The following PPEF1 variants were observed in gnomAD, a reference collection of about 807,000 sequenced individuals.
The protein encoded by PPEF1 is serine/threonine-protein phosphatase with EF-hands 1.
A neutral mutation model predicts 53.3 loss-of-function variants in PPEF1; 12 were observed. The observed-to-expected ratio is 0.23, with a 90% CI of 0.14 to 0.36. PPEF1 has a LOEUF of 0.36. PPEF1 is among the 10% of genes least tolerant of loss of function. PPEF1 has a pLI of 1.00. For missense variants in PPEF1, 334 were observed against 490.4 expected (o/e 0.68, Z 3.01); for synonymous variants, 165 against 176.7 (o/e 0.93, Z 0.52).
At chrX:18,790,601 G>A (rs1264316221) in intron 10 of PPEF1, among the ~76,000 whole-genome samples, 3 of 111,563 alleles carry the variant, frequency 2.7e-5, no homozygotes, top group Non-Finnish European at 5.7e-5. Flanking sequence ...CTTAAATTTA[G>A]GTGTCTGATC....
intron 3 of PPEF1, among the ~76,000 whole-genome samples, chrX:18,740,503 G>A (rs1303904043): frequency 9.3e-6 from 1 of 107,997 alleles, no homozygotes. Flanking sequence ...TCTGCCTCCC[G>A]GATTCAGGTG....
chrX:18,694,845 A>G (rs1011410754), intron 4 of PPEF1, among the ~76,000 whole-genome samples: 1 of 112,054 alleles, frequency 8.9e-6, no homozygotes, highest in African/African-American at 3.2e-5. Flanking sequence ...GGAGGGAACA[A>G]AAGGTAAACT....
intron 10 of PPEF1, among the ~76,000 whole-genome samples, chrX:18,790,620 G>C (rs1427422081): frequency 9.0e-6 from 1 of 111,373 alleles, no homozygotes; most frequent in East Asian, 2.8e-4. Flanking sequence ...TCCATTTTGA[G>C]TTAATTTTTG....
Position 18,730,222 on chromosome X carries a change from T to C in PPEF1, c.88T>C (p.Tyr30His). 1 of 1,209,806 alleles carries C rather than the reference T, an allele frequency of 8.3e-7. No individual in the cohort carries two copies. The highest frequency in any genetic ancestry group is 1.1e-6 in the Non-Finnish European group (1 of 893,886). Reference sequence around the variant, plus strand: ...GATCATCCAGAACTGGTACCGAGGTTACAAAGCTCGACTGAAGGCCAGACA... The same window carrying C: ...GATCATCCAGAACTGGTACCGAGGTCACAAAGCTCGACTGAAGGCCAGACA... Reference protein sequence around the residue: ...ALIIQNWYRGYKARLKARQHY... With the variant: ...ALIIQNWYRGHKARLKARQHY... Residue 30 changes from tyrosine to histidine, a missense_variant, in exon 2 of 16, where the codon TAC (tyrosine) becomes CAC (histidine). Tyr to His is a moderately conservative substitution (Grantham distance 83). Coordinates refer to ENST00000470157, the MANE Select transcript of PPEF1 (RefSeq NM_001377996.1).
At chrX:18,719,125 ATACT>A (rs1185771006) in intron 1 of PPEF1, among the ~76,000 whole-genome samples, 2 of 111,998 alleles carry the variant, frequency 1.8e-5, no homozygotes, top group East Asian at 2.8e-4. Context: ...TTTCTTTTAC[ATACT>A]TAAGAATACA....
At chrX:18,740,382 G>GT (rs773482973) in intron 3 of PPEF1, among the ~76,000 whole-genome samples, 1 of 107,201 alleles carries the variant, frequency 9.3e-6, no homozygotes, top group South Asian at 4.1e-4. Context: ...AGTTGGCCCC[G>GT]TTGTGTCTGT....
At chrX:18,695,154 T>C (rs1418069942) in intron 4 of PPEF1, among the ~76,000 whole-genome samples, 2 of 112,181 alleles carry the variant, frequency 1.8e-5, no homozygotes, top group Admixed American at 9.5e-5. Flanking sequence ...CAAGCCCGTA[T>C]GGTTGTTGAC....
At chrX:18,699,439 G>A (rs1182316763) in intron 5 of PPEF1, among the ~76,000 whole-genome samples, 1 of 111,713 alleles carries the variant, frequency 9.0e-6, no homozygotes, top group East Asian at 2.8e-4. Context: ...AGACCAGTAA[G>A]CTTGAAAACA....
chrX:18,732,491 A>T (rs988596635), intron 2 of PPEF1, among the ~76,000 whole-genome samples: 4 of 111,850 alleles, frequency 3.6e-5, no homozygotes, highest in Admixed American at 1.9e-4. Flanking sequence ...GAGGGCTCCA[A>T]TTTCTTCACA....
At chrX:18,746,421 C>T (rs2045330590) in intron 3 of PPEF1, among the ~76,000 whole-genome samples, 1 of 112,047 alleles carries the variant, frequency 8.9e-6, no homozygotes, top group African/African-American at 3.2e-5. Context: ...AACTAAGAAT[C>T]GGTTTAGGGA....
At chrX:18,679,909 T>A (rs1405206962), upstream of PPEF1, among the ~76,000 whole-genome samples, 1 of 110,007 alleles carries the variant, frequency 9.1e-6, no homozygotes, top group Non-Finnish European at 1.9e-5. Flanking sequence ...GCCAGCATGA[T>A]GAAATCCCGT....
chrX:18,821,550 A>G lies in PPEF1; in HGVS notation c.1502-2373A>G, dbSNP rs2047045810. On this transcript the variant is annotated intron_variant, in intron 13 of 15. Transcript: ENST00000470157. ...AGCCTCCCCAAGTAGCTGGGACTACAGGCATATGCCACCACGCCCAGCTAA... is the reference window on the plus strand; with the variant it reads ...AGCCTCCCCAAGTAGCTGGGACTACGGGCATATGCCACCACGCCCAGCTAA... Among the ~76,000 whole-genome samples, 2 of 110,567 alleles carry G rather than the reference A, an allele frequency of 1.8e-5. 1 individual carries two copies. Among genetic ancestry groups the G allele is most frequent in the South Asian group, 7.7e-4 (2 of 2,592 alleles).
At position 18,825,555 on chromosome X, in the gene PPEF1, A is replaced by G. The variant is rs190415833; in HGVS notation, c.1666-196A>G. Among the ~76,000 whole-genome samples, 4 of 112,237 alleles carry G rather than the reference A, an allele frequency of 3.6e-5. No homozygotes were observed. The East Asian group carries it at 8.4e-4, about 24-fold the overall frequency. ...TGTGTTAGTTACTGCTGCCTTATTC[A>G]TTTTGGCCCTGTCCCCTGAGGATCA... On this transcript the variant is annotated intron_variant, in intron 14 of 15. Transcript: ENST00000470157.
chrX:18,692,765 A>T (rs1929476930), intron 4 of PPEF1, among the ~76,000 whole-genome samples: 1 of 111,818 alleles, frequency 8.9e-6, no homozygotes, highest in Non-Finnish European at 1.9e-5. Flanking sequence ...CCTTGACTTA[A>T]ACAGAGTTTG....
chrX:18,767,782 AATAG>A (rs752916290), intron 6 of PPEF1, among the ~76,000 whole-genome samples: 1 of 110,888 alleles, frequency 9.0e-6, no homozygotes, highest in East Asian at 2.8e-4. Context: ...GGGCCATAAA[AATAG>A]ATAAGGAAGA....
chrX:18,783,490 G>A (rs1236384785), intron 8 of PPEF1, among the ~76,000 whole-genome samples: 1 of 110,901 alleles, frequency 9.0e-6, no homozygotes, highest in African/African-American at 3.3e-5. Flanking sequence ...GGCCAAGGTG[G>A]GCGGATCACC....
rs1020496619 is a variant in PPEF1 at position 18,813,648 on chromosome X, G to T, written c.1395-4391G>T. 2.7e-5 allele frequency among the ~76,000 whole-genome samples: 3 copies of T among 111,090 alleles called. No homozygotes were observed. In the Admixed American group the frequency reaches 2.9e-4, roughly 11 times the overall value. ...ACCTGTCTTATTTCTGATCTTAAGG[G>T]AATGCATTCACTCTTTGATAATTAA... On this transcript the variant is annotated intron_variant, in intron 12 of 15. Coordinates refer to ENST00000470157, the MANE Select transcript of PPEF1 (RefSeq NM_001377996.1).
intron 10 of PPEF1, among the ~76,000 whole-genome samples, chrX:18,791,976 A>G (rs1413610481): frequency 8.9e-6 from 1 of 112,607 alleles, no homozygotes; most frequent in Non-Finnish European, 1.9e-5. Context: ...ACAGTATATT[A>G]TATTGATTGA....
Position 18,818,149 on chromosome X carries a change from AC to A in PPEF1, c.1501+5del. On this transcript the variant is annotated splice_donor_5th_base_variant and intron_variant, in intron 13 of 15. Transcript: ENST00000470157. ...CTTCAAGACCACAGAAAATCAGGTA[AC>A]AAATTTGCATAACATTTACCATTTC... The A allele has an allele frequency of 8.7e-7, 1 of 1,143,721 alleles. No individual in the cohort carries two copies. Among genetic ancestry groups the A allele is most frequent in the Non-Finnish European group, 1.2e-6 (1 of 837,094 alleles). 94.3% of individuals were successfully genotyped at this position (1,143,721 alleles called of 1,213,427 possible). A position where few individuals can be genotyped will look rare whatever the true frequency, so the allele number is the denominator to read the frequency against.
Sources: allele counts gnomAD v4.1 joint callset (sites outside exome capture counted in the v4.1 genomes callset), GRCh38; gene constraint gnomAD v4.1.1; transcripts MANE v1.5; gene names NCBI Gene and HGNC (gene_info 2026-07-23, HGNC 2026-07-21).